The following TAB3 variants were observed in gnomAD, a reference collection of about 807,000 sequenced individuals.
The protein encoded by TAB3 is TGF-beta-activated kinase 1 and MAP3K7-binding protein 3.
TAB3 carries 18 observed loss-of-function variants against 48.1 expected under a neutral mutation model. The observed-to-expected ratio is 0.37, with a 90% CI of 0.26 to 0.55. The LOEUF (loss-of-function observed/expected upper bound fraction) is 0.55. Ranked by LOEUF, TAB3 falls within the 20% of genes least tolerant of loss-of-function variation. The pLI, the probability that TAB3 is intolerant of heterozygous loss-of-function variation, is 0.78. For missense variants in TAB3, 414 were observed against 549.8 expected (o/e 0.75, Z 2.47); for synonymous variants, 185 against 190.2 (o/e 0.97, Z 0.22).
intron 1 of TAB3, among the ~76,000 whole-genome samples, chrX:30,879,610 A>G (rs1250626730): frequency 8.9e-6 from 1 of 111,782 alleles, no homozygotes; most frequent in African/African-American, 3.2e-5. Flanking sequence ...TAATCTGATG[A>G]TAGCTAGAAA....
chrX:30,860,120 C>T (rs1276796673), intron 4 of TAB3, among the ~76,000 whole-genome samples: 1 of 111,312 alleles, frequency 9.0e-6, no homozygotes, highest in Admixed American at 9.6e-5. Context: ...AGTTATAAAC[C>T]TGTAGAAAAG....
chrX:30,841,278 G>A (rs1164720744), intron 9 of TAB3, among the ~76,000 whole-genome samples: 2 of 111,012 alleles, frequency 1.8e-5, no homozygotes, highest in African/African-American at 3.3e-5. Flanking sequence ...AAAATTAGCC[G>A]GGCATGGTGG....
At chrX:30,855,606 A>T in intron 5 of TAB3, 44 bp from the exon 6 acceptor site, 4 of 1,114,929 alleles carry the variant, frequency 3.6e-6, no homozygotes, top group Non-Finnish European at 4.8e-6. Context: ...AACATTAACA[A>T]ATTCTAATAG....
At position 30,827,865 on chromosome X, in the gene TAB3, C is replaced by T. The variant is rs1937932148; in HGVS notation, c.*3562G>A. The stretch of plus-strand genomic sequence containing the variant: ...AAAAAAAGTCTGGTGAATGTGAAAA[C>T]GTCATCAGAATTAACCTTTACAATA... On this transcript the variant is annotated 3_prime_UTR_variant, in exon 11 of 11. Coordinates refer to ENST00000288422, the MANE Select transcript of TAB3 (RefSeq NM_152787.5). The T allele has an allele frequency of 1.8e-5, 2 of 112,294 alleles. No individual in the cohort carries two copies. Among genetic ancestry groups the T allele is most frequent in the Non-Finnish European group, 3.8e-5 (2 of 53,193 alleles). The allele number at this position is 112,294 out of a possible 1,213,427, so 9.3% of individuals were successfully genotyped here. A position where few individuals can be genotyped will look rare whatever the true frequency, so the allele number is the denominator to read the frequency against.
At position 30,830,912 on chromosome X, in the gene TAB3, G is replaced by GTCC. The variant is rs1938005388; in HGVS notation, c.*514_*515insGGA. ...AATTACAAATACCCTTAATTAATTT[G>GTCC]CCCCCCCCCCCCAAATATTCTAGGT... is the stretch of plus-strand genomic sequence containing the variant. On this transcript the variant is annotated 3_prime_UTR_variant, in exon 11 of 11. Coordinates refer to ENST00000288422, the MANE Select transcript of TAB3 (RefSeq NM_152787.5). The GTCC allele has an allele frequency of 2.3e-5, 1 of 43,609 alleles. No individual in the cohort carries two copies. Among genetic ancestry groups the GTCC allele is most frequent in the Non-Finnish European group, 4.1e-5 (1 of 24,155 alleles). The allele number at this position is 43,609 out of a possible 1,213,427, so 3.6% of individuals were successfully genotyped here. A position where few individuals can be genotyped will look rare whatever the true frequency, so the allele number is the denominator to read the frequency against.
At chrX:30,834,264 A>G (rs1044899534) in intron 9 of TAB3, 112 bp from the exon 10 acceptor site, 1 of 602,595 alleles carries the variant, frequency 1.7e-6, no homozygotes, top group Non-Finnish European at 2.6e-6. Flanking sequence ...CATTTACCCT[A>G]CCTATTACTT....
At chrX:30,850,127 G>C (rs1938781414) in intron 7 of TAB3, among the ~76,000 whole-genome samples, 1 of 111,521 alleles carries the variant, frequency 9.0e-6, no homozygotes, top group African/African-American at 3.3e-5. Flanking sequence ...ACTGGCACCT[G>C]ACTTGAGAGC....
At chrX:30,881,305 T>C (rs1396026058) in intron 1 of TAB3, among the ~76,000 whole-genome samples, 1 of 110,642 alleles carries the variant, frequency 9.0e-6, no homozygotes, top group Non-Finnish European at 1.9e-5. Context: ...AGTTGTTCAC[T>C]ACCGTACTTT....
chrX:30,873,378 A>G (rs1446719995), intron 1 of TAB3, among the ~76,000 whole-genome samples: 1 of 108,763 alleles, frequency 9.2e-6, no homozygotes, highest in Non-Finnish European at 1.9e-5. Context: ...ACAAAAAATT[A>G]GCCGGGCGCA....
chrX:30,844,524 G>A (rs930177866), intron 8 of TAB3: 6 of 112,043 alleles, frequency 5.4e-5, no homozygotes, highest in Non-Finnish European at 9.4e-5. Flanking sequence ...GATCACAAAA[G>A]GCTTACTATA....
At chrX:30,878,150 ACTT>A (rs1365445331) in intron 1 of TAB3, among the ~76,000 whole-genome samples, 1 of 112,071 alleles carries the variant, frequency 8.9e-6, no homozygotes, top group African/African-American at 3.2e-5. Flanking sequence ...GGTTGACAAA[ACTT>A]CTAGGAGAAT....
intron 5 of TAB3, among the ~76,000 whole-genome samples, chrX:30,856,311 C>T (rs1390509680): frequency 1.8e-5 from 2 of 112,011 alleles, no homozygotes; most frequent in East Asian, 2.8e-4. Context: ...AGTTTTTACC[C>T]GCTGAAAGGT....
chrX:30,870,571 G>A (rs180889796), intron 2 of TAB3, among the ~76,000 whole-genome samples: 21 of 112,219 alleles, frequency 1.9e-4, no homozygotes, highest in African/African-American at 6.8e-4. Flanking sequence ...GAAAGCTTCA[G>A]GGAAGAGATG....
rs766224361 is a variant in TAB3, at chrX:30,864,977, T to A, written c.-91+2138A>T. ...CAGTTTGCCTAGTTCCTATACTCCG[T>A]AGCTGATTCCAAACACTGCAGCCTG... On this transcript the variant is annotated intron_variant, in intron 4 of 10. Transcript: ENST00000288422. 7.1e-5 allele frequency among the ~76,000 whole-genome samples: 8 copies of A among 111,925 alleles called. No homozygotes were observed. The East Asian group carries it at 1.7e-3, about 24-fold the overall frequency.
intron 5 of TAB3, 64 bp downstream of exon 5, chrX:30,859,423 C>T (rs1939185112): frequency 1.2e-6 from 1 of 864,275 alleles, no homozygotes; most frequent in Non-Finnish European, 1.7e-6. Context: ...AATTACATCA[C>T]ACATCACCAG....
intron 10 of TAB3, among the ~76,000 whole-genome samples, chrX:30,833,507 A>C (rs980556724): frequency 2.7e-5 from 3 of 111,399 alleles, no homozygotes; most frequent in African/African-American, 9.8e-5. Context: ...TATTGAAATA[A>C]TATTTTGTAT....
chrX:30,874,746 T>G (rs747636232), intron 1 of TAB3, among the ~76,000 whole-genome samples: 1 of 112,051 alleles, frequency 8.9e-6, no homozygotes, highest in South Asian at 3.7e-4. Flanking sequence ...GCAGATAAGC[T>G]TTTTGCCCTT....
intron 1 of TAB3, among the ~76,000 whole-genome samples, chrX:30,883,200 T>C (rs1940042200): frequency 9.0e-6 from 1 of 111,283 alleles, no homozygotes; most frequent in South Asian, 3.8e-4. Context: ...CATTCCTCAG[T>C]AGAAAGGAAA....
intron 1 of TAB3, among the ~76,000 whole-genome samples, chrX:30,872,622 G>C (rs905376688): frequency 1.8e-5 from 2 of 112,669 alleles, no homozygotes; most frequent in African/African-American, 3.2e-5. Context: ...TGAGAAAGCA[G>C]TTTGTCCATA....
Sources: gnomAD v4.1 joint callset for allele counts (sites outside exome capture counted in the v4.1 genomes callset) on GRCh38, gnomAD v4.1.1 for gene constraint, MANE v1.5 for transcripts, NCBI Gene and HGNC (gene_info 2026-07-23, HGNC 2026-07-21) for gene names.